The following PSD3 variants were observed in gnomAD, a reference collection of about 807,000 sequenced individuals.
The protein encoded by PSD3 is pleckstrin and Sec7 domain containing 3, also known as PH and SEC7 domain-containing protein 3.
PSD3 carries 49 observed loss-of-function variants against 105.5 expected under a neutral mutation model. The observed-to-expected ratio is 0.46, with a 90% CI of 0.37 to 0.59. The LOEUF (loss-of-function observed/expected upper bound fraction) is 0.59, where lower values mean the gene tolerates loss of function less well. PSD3 is among the 20% of genes least tolerant of loss of function. The pLI, the probability that PSD3 is intolerant of heterozygous loss-of-function variation, is 0.00. For synonymous variants in PSD3, 557 were observed against 457.8 expected (o/e 1.22, Z -2.77); for missense variants, 1,561 against 1,263.8 (o/e 1.24, Z -3.57).
At chr8:18,854,539 C>A (rs928421113) in intron 4 of PSD3, among the ~76,000 whole-genome samples, 4 of 152,172 alleles carry the variant, frequency 2.6e-5, no homozygotes, top group Non-Finnish European at 1.5e-5. Context: ...AGACATTTGT[C>A]CAGCATCGTT....
At chr8:18,704,146 G>A (rs1421375630) in intron 9 of PSD3, among the ~76,000 whole-genome samples, 1 of 152,122 alleles carries the variant, frequency 6.6e-6, no homozygotes, top group Non-Finnish European at 1.5e-5. Flanking sequence ...TAGTTCTTTA[G>A]ACCATTTGGC....
chr8:18,788,682 C>G (rs913255026), intron 8 of PSD3, among the ~76,000 whole-genome samples: 7 of 152,196 alleles, frequency 4.6e-5, no homozygotes, highest in Admixed American at 1.3e-4. Flanking sequence ...TTGGTAAAAT[C>G]TGGCTTCATA....
rs184171042 is a variant in PSD3 at position 18,557,934 on chromosome 8, G to A, written c.2785-1582C>T. On this transcript the variant is annotated intron_variant, in intron 14 of 15. Transcript: ENST00000327040. ...TATACTCGAAAATGGGGTCCCTAAA[G>A]AAGTAATAATGGTTAAATGAGGTCA... is the stretch of plus-strand genomic sequence containing the variant. 4.6e-5 allele frequency among the ~76,000 whole-genome samples: 7 copies of A among 152,306 alleles called. No individual in the cohort carries two copies. In the East Asian group the frequency reaches 1.2e-3, roughly 25 times the overall value.
At chr8:18,861,143 G>A (rs1816405187) in intron 4 of PSD3, among the ~76,000 whole-genome samples, 1 of 152,168 alleles carries the variant, frequency 6.6e-6, no homozygotes, top group Non-Finnish European at 1.5e-5. Flanking sequence ...ACCAGGGCAA[G>A]GGCTGTCTGA....
intron 1 of PSD3, among the ~76,000 whole-genome samples, chr8:19,052,635 A>G (rs939461975): frequency 1.3e-5 from 2 of 152,158 alleles, no homozygotes; most frequent in South Asian, 2.1e-4. Flanking sequence ...TGGAGGCTTC[A>G]TTGTTAATTC....
intron 11 of PSD3, among the ~76,000 whole-genome samples, chr8:18,602,737 T>G (rs943204320): frequency 8.6e-5 from 13 of 152,040 alleles, no homozygotes; most frequent in Admixed American, 7.2e-4. Context: ...TAAAGTGGGC[T>G]GGGAAGGCTC....
At chr8:18,727,334 C>CAAAAAAAAAAAAAAA (rs11300334) in intron 9 of PSD3, among the ~76,000 whole-genome samples, 1 of 55,788 alleles carries the variant, frequency 1.8e-5, no homozygotes, top group Non-Finnish European at 3.3e-5. Flanking sequence ...GACTGTGTCT[C>CAAAAAAAAAAAAAAA]AAAAAAAAAA....
At chr8:18,783,190 T>G (rs891840690) in intron 8 of PSD3, among the ~76,000 whole-genome samples, 2 of 152,202 alleles carry the variant, frequency 1.3e-5, no homozygotes, top group Admixed American at 1.3e-4. Context: ...TATTCAGGTT[T>G]TGTTTCCTTT....
intron 1 of PSD3, among the ~76,000 whole-genome samples, chr8:19,026,426 C>G (rs984305968): frequency 6.6e-6 from 1 of 152,058 alleles, no homozygotes; most frequent in African/African-American, 2.4e-5. Context: ...CAGAAGCTGT[C>G]TCTCAGTGTT....
chr8:18,829,201 C>T (rs1813473672), intron 4 of PSD3, among the ~76,000 whole-genome samples: 1 of 152,162 alleles, frequency 6.6e-6, no homozygotes, highest in Non-Finnish European at 1.5e-5. Context: ...GATCATGCCA[C>T]TGTACAGCCT....
intron 12 of PSD3, among the ~76,000 whole-genome samples, chr8:18,582,901 C>T (rs1239921144): frequency 1.3e-5 from 2 of 150,114 alleles, no homozygotes; most frequent in African/African-American, 5.0e-5. Context: ...TCTCGGCTCA[C>T]TGCAACCTCC....
intron 9 of PSD3, among the ~76,000 whole-genome samples, chr8:18,662,782 T>G (rs1424362347): frequency 3.3e-5 from 5 of 152,246 alleles, no homozygotes; most frequent in African/African-American, 9.6e-5. Context: ...TGTTCCTCAC[T>G]AAATATTTTT....
At chr8:18,842,608 C>G (rs1814723886) in intron 4 of PSD3, among the ~76,000 whole-genome samples, 1 of 152,114 alleles carries the variant, frequency 6.6e-6, no homozygotes, top group African/African-American at 2.4e-5. Flanking sequence ...TGGGAGGCAC[C>G]TGTAGTCCCA....
chr8:18,736,243 T>C lies in PSD3; in HGVS notation c.2172+29206A>G, dbSNP rs1033225551. ...TCAACACTCTAGCTCTGCCACTTAC[T>C]GTGAAATTGAAGGCAAGACACTTAA... is the stretch of plus-strand genomic sequence containing the variant. On this transcript the variant is annotated intron_variant, in intron 9 of 15. Coordinates refer to ENST00000327040, the MANE Select transcript of PSD3 (RefSeq NM_015310.4). Among the ~76,000 whole-genome samples the C allele has an allele frequency of 9.8e-5, 15 of 152,328 alleles. No homozygotes were observed. In the East Asian group the frequency reaches 2.9e-3, roughly 29 times the overall value.
chr8:18,966,106 C>A (rs1824226517), intron 1 of PSD3, among the ~76,000 whole-genome samples: 2 of 152,212 alleles, frequency 1.3e-5, no homozygotes, highest in Non-Finnish European at 2.9e-5. Context: ...TCAGAGAAAA[C>A]AGTCGACTTG....
At chr8:18,552,145 C>G (rs757299638) in intron 15 of PSD3, among the ~76,000 whole-genome samples, 6 of 152,186 alleles carry the variant, frequency 3.9e-5, no homozygotes, top group Admixed American at 1.3e-4. Flanking sequence ...GGTTTTCTAA[C>G]AGGCTTTACA....
intron 8 of PSD3, among the ~76,000 whole-genome samples, chr8:18,797,820 T>C (rs13254153): frequency 0.2 from 30,382 of 152,034 alleles, 3,615 homozygotes; most frequent in East Asian, 0.37. Flanking sequence ...AGTTAACAGA[T>C]GCTAAACGTA....
intron 2 of PSD3, among the ~76,000 whole-genome samples, chr8:18,890,345 T>C (rs1282662984): frequency 6.6e-6 from 1 of 152,166 alleles, no homozygotes; most frequent in Non-Finnish European, 1.5e-5. Context: ...GTTTTTGTAT[T>C]TTAGTCTGTT....
At chr8:18,548,453 G>A (rs1800576170) in intron 15 of PSD3, among the ~76,000 whole-genome samples, 1 of 152,102 alleles carries the variant, frequency 6.6e-6, no homozygotes, top group Admixed American at 6.5e-5. Flanking sequence ...ACTGTCTTTG[G>A]GTGAGGAATA....
Sources: allele counts gnomAD v4.1 joint callset (sites outside exome capture counted in the v4.1 genomes callset), GRCh38; gene constraint gnomAD v4.1.1; transcripts MANE v1.5; gene names NCBI Gene and HGNC (gene_info 2026-07-23, HGNC 2026-07-21).